Variants in CDH13 observed in about 807,000 individuals in gnomAD.
CDH13 encodes cadherin-13.
In CDH13, 24 loss-of-function variants were observed where a neutral mutation model predicts 63.8. The observed-to-expected ratio is 0.38, with a 90% CI of 0.27 to 0.53. CDH13 has a LOEUF of 0.53. Among genes scored for constraint, CDH13 ranks in the 20% least tolerant of loss-of-function variants. The pLI, the probability that CDH13 is intolerant of heterozygous loss-of-function variation, is 0.85. For missense variants in CDH13, 1,049 were observed against 903.1 expected (o/e 1.16, Z -2.07); for synonymous variants, 503 against 355.3 (o/e 1.42, Z -4.67).
chr16:83,341,626 C>G (rs1454016038), intron 5 of CDH13, among the ~76,000 whole-genome samples: 2 of 152,154 alleles, frequency 1.3e-5, no homozygotes, highest in Admixed American at 6.5e-5. Flanking sequence ...ATACTTCTTT[C>G]TCATCTCTGC....
At chr16:82,873,697 A>G (rs1439816324) in intron 2 of CDH13, among the ~76,000 whole-genome samples, 3 of 152,190 alleles carry the variant, frequency 2.0e-5, no homozygotes, top group Non-Finnish European at 2.9e-5. Context: ...TTTTTATTTT[A>G]AAAAGTTGGT....
intron 1 of CDH13, among the ~76,000 whole-genome samples, chr16:82,694,829 G>T (rs2030062832): frequency 6.6e-6 from 1 of 152,186 alleles, no homozygotes; most frequent in South Asian, 2.1e-4. Context: ...TACTTGTAAA[G>T]TGGACAGCTG....
intron 1 of CDH13, among the ~76,000 whole-genome samples, chr16:82,734,491 C>T (rs1323707998): frequency 2.6e-5 from 4 of 152,182 alleles, no homozygotes; most frequent in South Asian, 2.1e-4. Context: ...GGCCTGGGCA[C>T]GTGGGGGCCA....
chr16:83,672,809 G>T (rs1354139217), intron 9 of CDH13, among the ~76,000 whole-genome samples: 1 of 152,184 alleles, frequency 6.6e-6, no homozygotes, highest in African/African-American at 2.4e-5. Context: ...ATGTGATGGA[G>T]ATGTCTATTT....
chr16:82,717,210 A>G (rs1054536093), intron 1 of CDH13, among the ~76,000 whole-genome samples: 5 of 152,082 alleles, frequency 3.3e-5, no homozygotes, highest in Non-Finnish European at 4.4e-5. Flanking sequence ...CTGGGCCCAG[A>G]GATGCATAAG....
At chr16:83,522,127 C>G (rs770554933) in intron 7 of CDH13, among the ~76,000 whole-genome samples, 1 of 152,148 alleles carries the variant, frequency 6.6e-6, no homozygotes, top group South Asian at 2.1e-4. Flanking sequence ...CTCTGCCCAC[C>G]GGGTGCTGTC....
intron 8 of CDH13, among the ~76,000 whole-genome samples, chr16:83,665,876 C>G (rs372745982): frequency 1.3e-5 from 2 of 152,176 alleles, no homozygotes; most frequent in East Asian, 1.9e-4. Context: ...TAATAAAATT[C>G]AAGTCCCTCT....
At chr16:82,871,665 A>T (rs2040345640) in intron 2 of CDH13, among the ~76,000 whole-genome samples, 1 of 152,162 alleles carries the variant, frequency 6.6e-6, no homozygotes, top group Admixed American at 6.5e-5. Context: ...CACAACTCCA[A>T]CTAGCCTCAG....
At chr16:83,664,412 G>A (rs1045998563) in intron 8 of CDH13, among the ~76,000 whole-genome samples, 19 of 151,922 alleles carry the variant, frequency 1.3e-4, no homozygotes, top group African/African-American at 1.7e-4. Context: ...CTGAGACATC[G>A]GGCTTTCTTA....
At chr16:83,363,785 G>A (rs1289314428) in intron 6 of CDH13, among the ~76,000 whole-genome samples, 3 of 152,166 alleles carry the variant, frequency 2.0e-5, no homozygotes, top group African/African-American at 7.2e-5. Flanking sequence ...GGTATCATGG[G>A]ATGCTGAGTG....
In CDH13 at chr16:82,658,800, G is replaced by A. The variant is rs181548417; in HGVS notation, c.45+31663G>A. 2.6e-5 allele frequency among the ~76,000 whole-genome samples: 4 copies of A among 152,282 alleles called. No homozygotes were observed. The East Asian group carries it at 7.7e-4, about 29-fold the overall frequency. ...TATTCTCAGTGCCTGGTACAAAGTCGATAGATTTTAAAAGCCCATAGAAGA... is the reference window on the plus strand; with the variant it reads ...TATTCTCAGTGCCTGGTACAAAGTCAATAGATTTTAAAAGCCCATAGAAGA... On this transcript the variant is annotated intron_variant, in intron 1 of 13. Coordinates refer to ENST00000567109, the MANE Select transcript of CDH13 (RefSeq NM_001257.5).
chr16:83,721,481 C>T (rs1909683488), intron 10 of CDH13: 1 of 152,174 alleles, frequency 6.6e-6, no homozygotes, highest in Non-Finnish European at 1.5e-5. Context: ...TCTGAGACCC[C>T]AGAGGAGCAG....
rs1055905677 is a variant in CDH13, at chr16:83,047,793, G to A, written c.366+15575G>A. 6.6e-5 allele frequency among the ~76,000 whole-genome samples: 10 copies of A among 152,106 alleles called. No individual in the cohort carries two copies. Among genetic ancestry groups the A allele is most frequent in the South Asian group, 4.2e-4 (2 of 4,810 alleles). ...TTATTTAGCTCAAACGTTGTGCGGGGCACCACTTTAAGTGCATTTCTTACA... is the reference window on the plus strand; with the variant it reads ...TTATTTAGCTCAAACGTTGTGCGGGACACCACTTTAAGTGCATTTCTTACA... On this transcript the variant is annotated intron_variant, in intron 3 of 13. Coordinates refer to ENST00000567109, the MANE Select transcript of CDH13 (RefSeq NM_001257.5). This position sits in a 1 kb window ranked among gnomAD's most constrained non-coding sequence, Gnocchi z 4.9.
intron 6 of CDH13, among the ~76,000 whole-genome samples, chr16:83,379,888 A>G (rs1163016405): frequency 6.7e-6 from 1 of 148,264 alleles, no homozygotes; most frequent in African/African-American, 2.5e-5. Flanking sequence ...ATGTGTGTGT[A>G]TATAGATATA....
At chr16:83,569,976 C>G (rs1300231054) in intron 7 of CDH13, among the ~76,000 whole-genome samples, 1 of 152,152 alleles carries the variant, frequency 6.6e-6, no homozygotes, top group Non-Finnish European at 1.5e-5. Context: ...ACCTCGTGAT[C>G]TTCCTGCCTT....
intron 2 of CDH13, among the ~76,000 whole-genome samples, chr16:82,962,677 G>A (rs796208129): frequency 3.3e-5 from 5 of 152,262 alleles, no homozygotes; most frequent in African/African-American, 1.2e-4. Context: ...TGAAGGCCAA[G>A]CAACACATCC....
intron 4 of CDH13, among the ~76,000 whole-genome samples, chr16:83,147,792 C>G (rs998786417): frequency 1.3e-5 from 2 of 152,128 alleles, no homozygotes; most frequent in Non-Finnish European, 2.9e-5. Context: ...TCTGGGGTCA[C>G]AGGGGGCAAA....
At chr16:83,748,923 C>A (rs1685841105) in intron 11 of CDH13, among the ~76,000 whole-genome samples, 1 of 152,150 alleles carries the variant, frequency 6.6e-6, no homozygotes, top group Non-Finnish European at 1.5e-5. Context: ...AGAAGGAGGG[C>A]AACCTCTTAG....
intron 2 of CDH13, among the ~76,000 whole-genome samples, chr16:82,924,642 A>G (rs1305433265): frequency 6.6e-6 from 1 of 152,144 alleles, no homozygotes; most frequent in Non-Finnish European, 1.5e-5. Context: ...AAAGCCCGGG[A>G]GCACTAGGAA....
Sources: gnomAD v4.1 joint callset for allele counts (sites outside exome capture counted in the v4.1 genomes callset) on GRCh38, gnomAD v4.1.1 for gene constraint, Gnocchi (gnomAD v3.1) non-coding constraint, MANE v1.5 for transcripts, NCBI Gene and HGNC (gene_info 2026-07-23, HGNC 2026-07-21) for gene names.